AMBRA1: variants seen among roughly 807,000 people sequenced by gnomAD.
AMBRA1 encodes the protein autophagy and beclin 1 regulator 1, also known as activating molecule in BECN1-regulated autophagy protein 1.
In AMBRA1, 47 loss-of-function variants were observed where a neutral mutation model predicts 125.4. The observed-to-expected ratio is 0.37, with a 90% CI of 0.30 to 0.48. AMBRA1 has a LOEUF of 0.48. Ranked by LOEUF, AMBRA1 falls within the 20% of genes least tolerant of loss-of-function variation. AMBRA1 has a pLI of 0.99. For missense variants in AMBRA1, 1,331 were observed against 1,693.4 expected (o/e 0.79, Z 3.76); for synonymous variants, 626 against 655.5 (o/e 0.95, Z 0.69).
intron 1 of AMBRA1, among the ~76,000 whole-genome samples, chr11:46,551,985 A>G (rs2043014289): frequency 6.6e-6 from 1 of 151,432 alleles, no homozygotes; most frequent in South Asian, 2.1e-4. Flanking sequence ...CCAAGATCGC[A>G]CCACTGCACT....
chr11:46,497,649 C>A lies in AMBRA1; in HGVS notation c.2340-3445G>T, dbSNP rs368792469. On this transcript the variant is annotated intron_variant, in intron 9 of 17. Transcript: ENST00000683756. The stretch of plus-strand genomic sequence containing the variant: ...TAGCCTATAACCAAACCAGCTCAAA[C>A]ATTTACTGAGCAGGTAAAACCTTGA... Among the ~76,000 whole-genome samples, 3 of 152,298 alleles carry A rather than the reference C, an allele frequency of 2.0e-5. No homozygotes were observed. The East Asian group carries it at 5.8e-4, about 29-fold the overall frequency.
chr11:46,563,093 A>G (rs1355791413), intron 1 of AMBRA1, among the ~76,000 whole-genome samples: 2 of 152,038 alleles, frequency 1.3e-5, no homozygotes, highest in African/African-American at 2.4e-5. Context: ...CCTGCTTCCT[A>G]TTCTTAAATA....
intron 7 of AMBRA1, among the ~76,000 whole-genome samples, chr11:46,525,364 G>A (rs1951923215): frequency 6.6e-6 from 1 of 152,058 alleles, no homozygotes; most frequent in African/African-American, 2.4e-5. Context: ...GGTCAAGGCG[G>A]GTGGATCACC....
rs1952579737 is a variant in AMBRA1 at position 46,538,369 on chromosome 11, G to A, written c.2072+3576C>T. ...AATATAAAATTGTTTACAGTGAGAT[G>A]ACCAGGGACTTCATTTTTATAATAC... On this transcript the variant is annotated intron_variant, in intron 7 of 17. Coordinates refer to ENST00000683756, the MANE Select transcript of AMBRA1 (RefSeq NM_001387011.1). Among the ~76,000 whole-genome samples the A allele has an allele frequency of 2.6e-5, 4 of 152,186 alleles. No homozygotes were observed. In the South Asian group the frequency reaches 8.3e-4, roughly 32 times the overall value.
At chr11:46,398,081 A>C in intron 17 of AMBRA1, 138 bp from the exon 18 acceptor site, 1 of 1,179,502 alleles carries the variant, frequency 8.5e-7, no homozygotes, top group Non-Finnish European at 1.2e-6. Context: ...TCACTGTGAA[A>C]ACCAATCCGA....
At chr11:46,433,106 T>C (rs1191320246) in intron 14 of AMBRA1, among the ~76,000 whole-genome samples, 6 of 152,218 alleles carry the variant, frequency 3.9e-5, no homozygotes. Flanking sequence ...TATTACTTTT[T>C]ACAGCTTGTT....
chr11:46,490,151 A>T (rs1447707555), intron 11 of AMBRA1, among the ~76,000 whole-genome samples: 2 of 152,226 alleles, frequency 1.3e-5, no homozygotes, highest in Non-Finnish European at 2.9e-5. Context: ...GGTCTGCTAC[A>T]ATGTCAGCAG....
chr11:46,547,030 C>A, intron 4 of AMBRA1, 83 bp downstream of exon 4: 1 of 1,346,688 alleles, frequency 7.4e-7, no homozygotes, highest in East Asian at 2.4e-5. Flanking sequence ...AAGATCACAC[C>A]ACTGGGCAAC....
At chr11:46,445,194 G>A (rs1948223965) in intron 11 of AMBRA1, among the ~76,000 whole-genome samples, 1 of 152,088 alleles carries the variant, frequency 6.6e-6, no homozygotes, top group Non-Finnish European at 1.5e-5. Flanking sequence ...GAGACAAGTA[G>A]GGAAAAAATG....
At chr11:46,536,251 A>G (rs1231852161) in intron 7 of AMBRA1, among the ~76,000 whole-genome samples, 1 of 152,226 alleles carries the variant, frequency 6.6e-6, no homozygotes, top group Non-Finnish European at 1.5e-5. Flanking sequence ...CAAGGGATAT[A>G]TACAGACATG....
intron 11 of AMBRA1, among the ~76,000 whole-genome samples, chr11:46,444,387 A>G (rs978328409): frequency 6.6e-6 from 1 of 152,280 alleles, no homozygotes; most frequent in Non-Finnish European, 1.5e-5. Context: ...TAAATAAAAA[A>G]TGGATTTTTT....
At chr11:46,463,742 CAGT>C (rs1317405801) in intron 11 of AMBRA1, among the ~76,000 whole-genome samples, 1 of 152,172 alleles carries the variant, frequency 6.6e-6, no homozygotes, top group Admixed American at 6.5e-5. Context: ...CTACATAGCA[CAGT>C]ACTCGGGGCC....
chr11:46,473,661 T>C (rs1220114182), intron 11 of AMBRA1, among the ~76,000 whole-genome samples: 1 of 152,204 alleles, frequency 6.6e-6, no homozygotes, highest in Non-Finnish European at 1.5e-5. Context: ...TTTTTGTTTG[T>C]TTGTTTTTGA....
intron 17 of AMBRA1, among the ~76,000 whole-genome samples, chr11:46,401,608 C>T (rs1034982773): frequency 2.6e-5 from 4 of 152,188 alleles, no homozygotes; most frequent in African/African-American, 7.2e-5. Context: ...GCAGCCAAGC[C>T]CCCAGAGAGC....
intron 7 of AMBRA1, among the ~76,000 whole-genome samples, chr11:46,536,838 T>A (rs879806394): frequency 6.6e-6 from 1 of 152,216 alleles, no homozygotes; most frequent in Non-Finnish European, 1.5e-5. Context: ...CTAACCTTGA[T>A]GGCCACATTT....
At chr11:46,499,548 A>C (rs1442582812) in intron 9 of AMBRA1, among the ~76,000 whole-genome samples, 1 of 152,244 alleles carries the variant, frequency 6.6e-6, no homozygotes, top group African/African-American at 2.4e-5. Flanking sequence ...TTACAAATAC[A>C]TTGAGGCTCG....
intron 11 of AMBRA1, among the ~76,000 whole-genome samples, chr11:46,464,271 A>G (rs929863643): frequency 2.0e-5 from 3 of 152,258 alleles, no homozygotes; most frequent in Non-Finnish European, 4.4e-5. Context: ...CAGCAATTAG[A>G]GAATGCAGGC....
At chr11:46,469,951 T>G (rs1949509359) in intron 11 of AMBRA1, among the ~76,000 whole-genome samples, 1 of 151,984 alleles carries the variant, frequency 6.6e-6, no homozygotes, top group Non-Finnish European at 1.5e-5. Context: ...GTGCTGGCAT[T>G]ACAGGAATGA....
chr11:46,444,720 GT>G (rs1253957656), intron 11 of AMBRA1, among the ~76,000 whole-genome samples: 1 of 152,098 alleles, frequency 6.6e-6, no homozygotes, highest in African/African-American at 2.4e-5. Flanking sequence ...GTGAACTGTA[GT>G]TTTTTTCTTT....
Sources: allele counts gnomAD v4.1 joint callset (sites outside exome capture counted in the v4.1 genomes callset), GRCh38; gene constraint gnomAD v4.1.1; transcripts MANE v1.5; gene names NCBI Gene and HGNC (gene_info 2026-07-23, HGNC 2026-07-21).